Variants in SPECC1 observed in about 807,000 individuals in gnomAD.
SPECC1 encodes the protein cytospin-B.
In SPECC1, 62 loss-of-function variants were observed where a neutral mutation model predicts 104.1. That is an observed-to-expected ratio of 0.60 (90% confidence interval 0.49 to 0.74). The LOEUF is 0.74. Ranked by LOEUF, SPECC1 falls within the 30% of genes least tolerant of loss-of-function variation. The pLI, the probability that SPECC1 is intolerant of heterozygous loss-of-function variation, is 0.00. For synonymous variants in SPECC1, 513 were observed against 501.6 expected, an observed-to-expected ratio of 1.02 and a Z score of -0.30; for missense variants, 1,306 against 1,310.5, an observed-to-expected ratio of 1.00 and a Z score of 0.05.
rs2042007770 is a variant in SPECC1, at chr17:20,314,448, T to C, written c.*383T>C. 3.4e-6 allele frequency: 1 copy of C among 295,504 alleles called. No homozygotes were observed. Among genetic ancestry groups the C allele is most frequent in the East Asian group, 4.7e-5 (1 of 21,424 alleles). The allele number at this position is 295,504 out of a possible 1,614,324, so 18.3% of individuals were successfully genotyped here. On this transcript the variant is annotated 3_prime_UTR_variant, in exon 15 of 15. Transcript: ENST00000395527. ...CTCCAAATCAGTCTTTTGGTTGCTG[T>C]TGTTAAAAATATCCCGGCTTTGCCT...
intron 1 of SPECC1, among the ~76,000 whole-genome samples, chr17:20,016,100 C>G (rs2044115238): frequency 6.6e-6 from 1 of 150,880 alleles, no homozygotes; most frequent in South Asian, 2.1e-4. Context: ...TGCCTGTAGT[C>G]CCAGCTACTC....
intron 7 of SPECC1, 130 bp from the exon 8 acceptor site, chr17:20,245,796 G>A: frequency 1.9e-6 from 2 of 1,065,496 alleles, no homozygotes; most frequent in Non-Finnish European, 2.6e-6. Flanking sequence ...GAGAAAACAG[G>A]ATGTTAAATT....
chr17:20,190,360 CCAGGACAAGGAGCTTATTATGAAAAG>C (rs2035580084), intron 3 of SPECC1, among the ~76,000 whole-genome samples: 1 of 151,306 alleles, frequency 6.6e-6, no homozygotes. Flanking sequence ...AAATAATGAA[CCAGGACAAGGAGCTTATTATGAAAAG>C]CAAGACTGCT....
chr17:20,149,243 A>G (rs1029591957), intron 3 of SPECC1, among the ~76,000 whole-genome samples: 3 of 152,208 alleles, frequency 2.0e-5, no homozygotes, highest in South Asian at 2.1e-4. Flanking sequence ...GTTAAATGGC[A>G]TGGTTTCTCT....
chr17:20,143,449 C>T (rs1401423140), intron 3 of SPECC1, among the ~76,000 whole-genome samples: 1 of 151,458 alleles, frequency 6.6e-6, no homozygotes, highest in East Asian at 1.9e-4. Context: ...TTTGGCAGGC[C>T]GAGGCGGGCA....
intron 13 of SPECC1, among the ~76,000 whole-genome samples, chr17:20,303,478 T>C (rs975390153): frequency 2.0e-5 from 3 of 152,066 alleles, no homozygotes; most frequent in African/African-American, 7.3e-5. Context: ...GCTACATCTT[T>C]CTGTTTTTTT....
intron 3 of SPECC1, among the ~76,000 whole-genome samples, chr17:20,124,955 C>CAT (rs2049215308): frequency 2.0e-5 from 3 of 152,050 alleles, no homozygotes; most frequent in African/African-American, 7.2e-5. Flanking sequence ...CCGAGGTGGG[C>CAT]GGATCACGAG....
chr17:20,136,539 T>C (rs2029995041), intron 3 of SPECC1, among the ~76,000 whole-genome samples: 1 of 152,166 alleles, frequency 6.6e-6, no homozygotes, highest in South Asian at 2.1e-4. Flanking sequence ...TTATTCAAAA[T>C]GTAAAGGGTT....
At chr17:20,182,113 C>CTTCTTCTT (rs2034937265) in intron 3 of SPECC1, among the ~76,000 whole-genome samples, 1 of 46,388 alleles carries the variant, frequency 2.2e-5, no homozygotes, top group African/African-American at 2.3e-4. Flanking sequence ...CTTTTTCTTT[C>CTTCTTCTT]TTTTTCTTTT....
intron 12 of SPECC1, among the ~76,000 whole-genome samples, chr17:20,261,941 A>C (rs1193024230): frequency 1.3e-5 from 2 of 152,250 alleles, no homozygotes; most frequent in African/African-American, 4.8e-5. Context: ...CATAGCCCTC[A>C]GTACTCCCTA....
chr17:20,221,447 T>TATA (rs1319078618), intron 4 of SPECC1, among the ~76,000 whole-genome samples: 2 of 152,208 alleles, frequency 1.3e-5, no homozygotes, highest in Non-Finnish European at 1.5e-5. Flanking sequence ...TTTATTGGCA[T>TATA]ATAGTTGCTC....
intron 1 of SPECC1, among the ~76,000 whole-genome samples, chr17:20,032,947 C>A (rs1191368527): frequency 6.6e-6 from 1 of 151,364 alleles, no homozygotes. Context: ...CACACACACA[C>A]ACACACATAT....
At chr17:20,110,779 T>A (rs549208417) in intron 3 of SPECC1, among the ~76,000 whole-genome samples, 1 of 152,210 alleles carries the variant, frequency 6.6e-6, no homozygotes, top group South Asian at 2.1e-4. Flanking sequence ...TAACTGGGCG[T>A]GCTGTGGTTT....
chr17:20,242,232 C>T (rs2039234628), intron 7 of SPECC1, among the ~76,000 whole-genome samples: 1 of 152,142 alleles, frequency 6.6e-6, no homozygotes, highest in Admixed American at 6.5e-5. Flanking sequence ...TGCTGTAGAC[C>T]ATGACTGACA....
chr17:20,157,034 C>A (rs1245030748), intron 3 of SPECC1, among the ~76,000 whole-genome samples: 1 of 152,062 alleles, frequency 6.6e-6, no homozygotes, highest in Non-Finnish European at 1.5e-5. Context: ...AGAGTCAGAA[C>A]TGTAAATATT....
At chr17:20,136,267 T>TA (rs2152554409) in intron 3 of SPECC1, among the ~76,000 whole-genome samples, 1 of 151,980 alleles carries the variant, frequency 6.6e-6, no homozygotes, top group Non-Finnish European at 1.5e-5. Context: ...CTACTGAAAA[T>TA]ACAAAAATTA....
chr17:20,253,458 C>G, intron 9 of SPECC1, 47 bp from the exon 10 acceptor site: 2 of 1,587,426 alleles, frequency 1.3e-6, no homozygotes, highest in Middle Eastern at 1.8e-4. Flanking sequence ...TTGTGCTATT[C>G]TTGATGTTAT....
intron 3 of SPECC1, among the ~76,000 whole-genome samples, chr17:20,137,872 G>C (rs1424741900): frequency 6.6e-6 from 1 of 152,090 alleles, no homozygotes; most frequent in African/African-American, 2.4e-5. Context: ...TCGGCATGTT[G>C]ACCAGGCTGG....
intron 13 of SPECC1, among the ~76,000 whole-genome samples, chr17:20,298,396 A>G (rs915796201): frequency 6.6e-6 from 1 of 151,850 alleles, no homozygotes; most frequent in African/African-American, 2.4e-5. Flanking sequence ...AGCCAGGGCT[A>G]TGGAGCAGCA....
Sources: allele counts gnomAD v4.1 joint callset (sites outside exome capture counted in the v4.1 genomes callset), GRCh38; gene constraint gnomAD v4.1.1; transcripts MANE v1.5; gene names NCBI Gene and HGNC (gene_info 2026-07-23, HGNC 2026-07-21).